Variants in NDC80 observed in about 807,000 individuals in gnomAD.
NDC80 encodes the protein NDC80 kinetochore complex component, also known as kinetochore protein NDC80 homolog.
In NDC80, 69 loss-of-function variants were observed where a neutral mutation model predicts 89.3. The ratio of observed to expected loss-of-function variants is 0.77; its 90% confidence interval spans 0.64 to 0.94. The LOEUF (loss-of-function observed/expected upper bound fraction) is 0.94, where lower values mean the gene tolerates loss of function less well. Among genes scored for constraint, NDC80 ranks in the 40% least tolerant of loss-of-function variants. The pLI, the probability that NDC80 is intolerant of heterozygous loss-of-function variation, is 0.00. For missense variants in NDC80, 593 were observed against 739.6 expected (o/e 0.80, Z 2.30); for synonymous variants, 243 against 255.6 (o/e 0.95, Z 0.47).
intron 11 of NDC80, 50 bp downstream of exon 11, chr18:2,595,671 G>GA: frequency 6.6e-7 from 1 of 1,520,020 alleles, no homozygotes; most frequent in Non-Finnish European, 9.1e-7. Flanking sequence ...TGACCTTTCT[G>GA]AAGGTCTGTC....
intron 16 of NDC80, among the ~76,000 whole-genome samples, chr18:2,616,181 C>T (rs1187986047): frequency 2.6e-5 from 4 of 152,012 alleles, no homozygotes; most frequent in Non-Finnish European, 4.4e-5. Context: ...CACACCACCA[C>T]ACCTGGCTAA....
At position 2,614,434 on chromosome 18, in the gene NDC80, TC is replaced by T. The variant is rs1322760996; in HGVS notation, c.1792-2002del. On this transcript the variant is annotated intron_variant, in intron 16 of 16. Coordinates refer to ENST00000261597, the MANE Select transcript of NDC80 (RefSeq NM_006101.3). ...CCTGGCTACAGAGCAAGATGCTGTC[TC>T]AAAAAAAGAAAGAAAGAAAGAAAGA... The T allele has an allele frequency of 2.2e-4, 39 of 176,938 alleles. 1 individual carries two copies. Among genetic ancestry groups the T allele is most frequent in the African/African-American group, 1.0e-3 (36 of 35,252 alleles). 11.0% of individuals were successfully genotyped at this position (176,938 alleles called of 1,614,324 possible).
At chr18:2,574,895 T>G in intron 2 of NDC80, 94 bp from the exon 3 acceptor site, 1 of 750,830 alleles carries the variant, frequency 1.3e-6, no homozygotes, top group South Asian at 1.8e-5. Context: ...TTATAGCTAG[T>G]GGGGAAGAGT....
At chr18:2,605,217 T>C (rs1001011260) in intron 13 of NDC80, among the ~76,000 whole-genome samples, 2 of 151,516 alleles carry the variant, frequency 1.3e-5, no homozygotes, top group African/African-American at 4.9e-5. Flanking sequence ...TTCAGGTCTC[T>C]GGGGCATCAA....
rs1465987002 is a variant in NDC80 at position 2,616,465 on chromosome 18, T to C, written c.1820T>C (p.Val607Ala). 2.6e-6 allele frequency: 4 copies of C among 1,530,190 alleles called. No homozygotes were observed. Among genetic ancestry groups the C allele is most frequent in the Non-Finnish European group, 3.5e-6 (4 of 1,132,852 alleles). The allele number at this position is 1,530,190 out of a possible 1,614,324, so 94.8% of individuals were successfully genotyped here. The change falls in exon 17 of 17, where the codon GTT becomes GCT. Residue 607 changes from valine to alanine, a missense_variant. By Grantham distance (64) the Val-to-Ala change is moderately conservative. Coordinates refer to ENST00000261597, the MANE Select transcript of NDC80 (RefSeq NM_006101.3). ...CATCTTGAGGAGCAGATTGCTAAAGTTGATAGAGAATATGAAGAATGCATG... is the reference window on the plus strand; with the variant it reads ...CATCTTGAGGAGCAGATTGCTAAAGCTGATAGAGAATATGAAGAATGCATG... ...EKHLEEQIAK[V>A]DREYEECMSE...
chr18:2,616,374 A>T, intron 16 of NDC80, 63 bp from the exon 17 acceptor site: 1 of 1,176,450 alleles, frequency 8.5e-7, no homozygotes, highest in Non-Finnish European at 1.2e-6. Flanking sequence ...TAAATTTTAC[A>T]ATTAAACATT....
Position 2,616,469 on chromosome 18 carries a change from T to C in NDC80, c.1824T>C (p.Asp608=). The C allele has an allele frequency of 7.8e-6, 12 of 1,532,938 alleles. No homozygotes were observed. Among genetic ancestry groups the C allele is most frequent in the East Asian group, 2.3e-5 (1 of 42,902 alleles). The allele number at this position is 1,532,938 out of a possible 1,614,324, so 95.0% of individuals were successfully genotyped here. A position where few individuals can be genotyped will look rare whatever the true frequency, so the allele number is the denominator to read the frequency against. The part of the protein sequence containing the change: ...KHLEEQIAKV[D]REYEECMSED... ...TTGAGGAGCAGATTGCTAAAGTTGA[T>C]AGAGAATATGAAGAATGCATGTCAG... Residue 608 remains aspartate (D), a synonymous_variant, in exon 17 of 17, where the codon GAT becomes GAC. Coordinates refer to ENST00000261597, the MANE Select transcript of NDC80 (RefSeq NM_006101.3).
chr18:2,612,105 T>G (rs1279756287), intron 16 of NDC80, among the ~76,000 whole-genome samples: 1 of 152,044 alleles, frequency 6.6e-6, no homozygotes, highest in African/African-American at 2.4e-5. Flanking sequence ...CTATTCTAGA[T>G]GCATAAGAGA....
intron 13 of NDC80, among the ~76,000 whole-genome samples, chr18:2,603,944 T>C (rs1166724496): frequency 2.6e-5 from 4 of 152,220 alleles, no homozygotes; most frequent in African/African-American, 4.8e-5. Context: ...ATAAGGCTAA[T>C]GTAGGCCTCA....
In NDC80 at chr18:2,612,276, C is replaced by CTTTTT. The variant is rs55648444; in HGVS notation, c.1791+1444_1791+1448dup. Among the ~76,000 whole-genome samples, 282 of 60,394 alleles carry CTTTTT rather than the reference C, an allele frequency of 4.7e-3. 12 individuals carry two copies. The highest frequency in any genetic ancestry group is 8.4e-3 in the African/African-American group (130 of 15,512). 39.6% of individuals were successfully genotyped at this position (60,394 alleles called of 152,430 possible). ...TAGCACCTCTGACTTTCTTTTCTTT[C>CTTTTT]TTTTTTTTTTTTTTTTTTTTTTTTT... On this transcript the variant is annotated intron_variant, in intron 16 of 16. Coordinates refer to ENST00000261597, the MANE Select transcript of NDC80 (RefSeq NM_006101.3).
At chr18:2,614,478 A>ATCC (rs1568015704) in intron 16 of NDC80, 2 of 5,046 alleles carry the variant, frequency 4.0e-4, no homozygotes, top group African/African-American at 6.7e-4. Flanking sequence ...AAAGAAAGAA[A>ATCC]GAAAGGAAGG....
chr18:2,575,119 G>T, intron 3 of NDC80, 53 bp downstream of exon 3: 1 of 1,270,370 alleles, frequency 7.9e-7, no homozygotes, highest in Middle Eastern at 1.9e-4. Context: ...GCCATACGTT[G>T]TTGCCCTCAG....
At chr18:2,612,091 AATTCT>A (rs2072747624) in intron 16 of NDC80, among the ~76,000 whole-genome samples, 1 of 152,082 alleles carries the variant, frequency 6.6e-6, no homozygotes, top group Non-Finnish European at 1.5e-5. Flanking sequence ...AGTATACAAT[AATTCT>A]ATTCTAGATG....
chr18:2,571,871 G>T (rs1488029053), intron 1 of NDC80, among the ~76,000 whole-genome samples, 188 bp downstream of exon 1: 1 of 152,136 alleles, frequency 6.6e-6, no homozygotes, highest in East Asian at 1.9e-4. Context: ...ATTTCTAGTG[G>T]CAACGATTTC....
intron 10 of NDC80, 79 bp from the exon 11 acceptor site, chr18:2,595,332 ATATCT>A: frequency 1.4e-6 from 1 of 730,608 alleles, no homozygotes; most frequent in Non-Finnish European, 2.2e-6. Context: ...GGAAATTTAG[ATATCT>A]TAGCTCTATT....
At chr18:2,572,047 G>T (rs2072517122) in intron 1 of NDC80, among the ~76,000 whole-genome samples, 2 of 152,186 alleles carry the variant, frequency 1.3e-5, no homozygotes, top group Non-Finnish European at 1.5e-5. Context: ...GTAGGACTGC[G>T]TGTAGAAGTC....
At chr18:2,612,515 C>T (rs958252694) in intron 16 of NDC80, among the ~76,000 whole-genome samples, 1 of 152,018 alleles carries the variant, frequency 6.6e-6, no homozygotes, top group African/African-American at 2.4e-5. Context: ...TCTCAAACTC[C>T]TGACCTCAAG....
At chr18:2,611,045 AT>A (rs34508122) in intron 16 of NDC80, among the ~76,000 whole-genome samples, 184 bp downstream of exon 16, 27,006 of 112,066 alleles carry the variant, frequency 0.24, 2,099 homozygotes, top group Middle Eastern at 0.3. Context: ...ACACTTGAGC[AT>A]TTTTTTTTTT....
chr18:2,610,245 T>A (rs2072735711), intron 15 of NDC80, among the ~76,000 whole-genome samples: 1 of 152,212 alleles, frequency 6.6e-6, no homozygotes, highest in African/African-American at 2.4e-5. Flanking sequence ...ATTTTTTAAG[T>A]CTTAAGTTGC....
Sources: allele counts gnomAD v4.1 joint callset (sites outside exome capture counted in the v4.1 genomes callset), GRCh38; gene constraint gnomAD v4.1.1; transcripts MANE v1.5; gene names NCBI Gene and HGNC (gene_info 2026-07-23, HGNC 2026-07-21).